The following FREM2 variants were observed in gnomAD, a reference collection of about 807,000 sequenced individuals.
The protein encoded by FREM2 is FRAS1-related extracellular matrix protein 2.
A neutral mutation model predicts 219.9 loss-of-function variants in FREM2; 119 were observed. That is an observed-to-expected ratio of 0.54 (90% CI 0.47 to 0.63). The LOEUF is 0.63. FREM2 is among the 30% of genes least tolerant of loss of function. The pLI is 0.00. For missense variants in FREM2, 4,030 were observed against 3,993.6 expected (o/e 1.01, Z -0.25); for synonymous variants, 1,562 against 1,522.8 (o/e 1.03, Z -0.60).
At position 38,850,943 on chromosome 13, in the gene FREM2, G is replaced by C; in HGVS notation, c.6578-1G>C. 1 of 1,611,328 alleles carries C rather than the reference G, an allele frequency of 6.2e-7. No individual in the cohort carries two copies. Among genetic ancestry groups the C allele is most frequent in the Non-Finnish European group, 8.5e-7 (1 of 1,179,858 alleles). ...TTGACCTGCTGACATTATTGTTCCA[G>C]GTGAGACAGAAAAGCCCTGCATTCT... On this transcript the variant is annotated splice_acceptor_variant, in intron 9 of 23. Coordinates refer to ENST00000280481, the MANE Select transcript of FREM2 (RefSeq NM_207361.6). LOFTEE classifies it high-confidence loss of function.
intron 6 of FREM2, among the ~76,000 whole-genome samples, chr13:38,785,695 T>C (rs1478345462): frequency 1.3e-5 from 2 of 152,210 alleles, no homozygotes; most frequent in Non-Finnish European, 2.9e-5. Flanking sequence ...AAGGTGATAA[T>C]GTGTCTTGTG....
rs1878276729 is a variant in FREM2, at chr13:38,874,522, G to C, written c.8217G>C (p.Gly2739=). 6.2e-7 allele frequency: 1 copy of C among 1,613,996 alleles called. No individual in the cohort carries two copies. The highest frequency in any genetic ancestry group is 1.1e-5 in the South Asian group (1 of 91,088). The change falls in exon 18 of 24, where the codon GGG becomes GGC. Residue 2739 remains glycine (G), a synonymous_variant. Coordinates refer to ENST00000280481, the MANE Select transcript of FREM2 (RefSeq NM_207361.6). ...CCAGCATGCGCATCGGTGATGAGGG[G>C]CGCTTGGCCGTGCACTTCAAGACAG... ...YPTSMRIGDE[G]RLAVHFKTEA...
chr13:38,859,349 C>G lies in FREM2; in HGVS notation c.7278C>G (p.Ile2426Met), dbSNP rs1877673483. ...GCTCTATCTGTGCAAGTGAGAACAT[C>G]AATGACACTTTGACGCGGTACCGGT... is the stretch of plus-strand genomic sequence containing the variant. The part of the protein sequence containing the change: ...KTGSICASEN[I>M]NDTLTRYRWL... The change falls in exon 14 of 24, where the codon ATC becomes ATG. Residue 2426 changes from isoleucine (I) to methionine (M), a missense_variant. By Grantham distance (10) the Ile-to-Met change is conservative. Transcript: ENST00000280481. 8 of 1,614,202 alleles carry G rather than the reference C, an allele frequency of 5.0e-6. No homozygotes were observed. Among genetic ancestry groups the G allele is most frequent in the Non-Finnish European group, 6.8e-6 (8 of 1,180,022 alleles).
chr13:38,749,806 G>T (rs930866830), intron 2 of FREM2, among the ~76,000 whole-genome samples: 2 of 152,162 alleles, frequency 1.3e-5, no homozygotes, highest in Non-Finnish European at 2.9e-5. Flanking sequence ...TAATTGTAAA[G>T]TCAATGTATT....
chr13:38,804,401 A>C (rs1875140600), intron 6 of FREM2, among the ~76,000 whole-genome samples: 1 of 151,870 alleles, frequency 6.6e-6, no homozygotes, highest in African/African-American at 2.4e-5. Flanking sequence ...AACAGTATGT[A>C]TAAAATATCT....
intron 1 of FREM2, 112 bp downstream of exon 1, chr13:38,692,629 A>G (rs986351113): frequency 1.6e-6 from 2 of 1,287,412 alleles, no homozygotes; most frequent in Admixed American, 1.7e-5. Context: ...AAAGGAAACA[A>G]AGGGGATGGG....
At chr13:38,753,916 T>C (rs1872877131) in intron 2 of FREM2, among the ~76,000 whole-genome samples, 2 of 152,100 alleles carry the variant, frequency 1.3e-5, no homozygotes, top group South Asian at 2.1e-4. Context: ...TCCTTCCTTT[T>C]CCCCCCTTTT....
At chr13:38,877,044 G>A (rs946538090) in intron 20 of FREM2, 73 bp from the exon 21 acceptor site, 44 of 1,508,644 alleles carry the variant, frequency 2.9e-5, no homozygotes, top group Admixed American at 2.3e-4. Flanking sequence ...GTGAATGTAT[G>A]TATCTGTGAA....
intron 6 of FREM2, among the ~76,000 whole-genome samples, chr13:38,809,176 A>G (rs911963117): frequency 6.7e-6 from 1 of 148,810 alleles, no homozygotes; most frequent in Non-Finnish European, 1.5e-5. Flanking sequence ...TATTTTTTAT[A>G]CTCTCAGTAG....
At chr13:38,829,829 T>C (rs1876437791) in intron 6 of FREM2, among the ~76,000 whole-genome samples, 1 of 152,038 alleles carries the variant, frequency 6.6e-6, no homozygotes. Context: ...GTGAAATTTA[T>C]TTTACCCACA....
chr13:38,802,996 A>G (rs1205731422), intron 6 of FREM2, among the ~76,000 whole-genome samples: 1 of 151,856 alleles, frequency 6.6e-6, no homozygotes, highest in African/African-American at 2.4e-5. Flanking sequence ...GGTGCTTCCC[A>G]TTGCTTCTCT....
intron 14 of FREM2, among the ~76,000 whole-genome samples, chr13:38,861,213 C>T (rs1877747222): frequency 1.3e-5 from 2 of 152,114 alleles, no homozygotes; most frequent in Non-Finnish European, 2.9e-5. Flanking sequence ...TTTGAACAAT[C>T]CATAAATTGT....
intron 23 of FREM2, among the ~76,000 whole-genome samples, chr13:38,879,309 G>A (rs1375799738): frequency 6.6e-6 from 1 of 152,204 alleles, no homozygotes; most frequent in Non-Finnish European, 1.5e-5. Flanking sequence ...GTGTCTGACA[G>A]TTGAGTAATC....
At chr13:38,874,644 A>G (rs1878281866) in intron 18 of FREM2, 58 bp downstream of exon 18, 8 of 1,333,908 alleles carry the variant, frequency 6.0e-6, no homozygotes, top group East Asian at 4.6e-5. Flanking sequence ...TAGATTTTCC[A>G]TCTTCACACA....
chr13:38,822,334 C>T (rs900812838), intron 6 of FREM2, among the ~76,000 whole-genome samples: 1 of 150,520 alleles, frequency 6.6e-6, no homozygotes, highest in African/African-American at 2.4e-5. Flanking sequence ...AACAAGGAGC[C>T]CATTCTTTCT....
intron 6 of FREM2, among the ~76,000 whole-genome samples, chr13:38,819,576 C>T (rs897501109): frequency 1.3e-5 from 2 of 152,000 alleles, no homozygotes; most frequent in East Asian, 1.9e-4. Context: ...GTTGTGGTAC[C>T]GATTAGGATC....
At chr13:38,761,235 G>A (rs2137805873) in intron 2 of FREM2, among the ~76,000 whole-genome samples, 1 of 152,238 alleles carries the variant, frequency 6.6e-6, no homozygotes, top group African/African-American at 2.4e-5. Flanking sequence ...GGAAGTGATA[G>A]GATGTGAAGT....
intron 2 of FREM2, among the ~76,000 whole-genome samples, chr13:38,709,501 C>A (rs1043450556): frequency 1.3e-5 from 2 of 151,792 alleles, no homozygotes; most frequent in African/African-American, 4.8e-5. Flanking sequence ...ATGTATGGGG[C>A]AGCACAAATA....
chr13:38,870,976 T>G (rs1878137810), intron 16 of FREM2, among the ~76,000 whole-genome samples: 1 of 152,298 alleles, frequency 6.6e-6, no homozygotes, highest in Admixed American at 6.5e-5. Flanking sequence ...GGTAAAATAT[T>G]AATCTTAAGG....
Sources: allele counts gnomAD v4.1 joint callset (sites outside exome capture counted in the v4.1 genomes callset), GRCh38; gene constraint gnomAD v4.1.1; transcripts MANE v1.5; gene names NCBI Gene and HGNC (gene_info 2026-07-23, HGNC 2026-07-21).